Variants in SCAMP1 observed in about 807,000 individuals in gnomAD.
SCAMP1 encodes secretory carrier-associated membrane protein 1.
Under a neutral mutation model 41.8 loss-of-function variants are expected in SCAMP1, and 15 were observed. The observed-to-expected ratio is 0.36, with a 90% CI of 0.24 to 0.55. The LOEUF (loss-of-function observed/expected upper bound fraction) is 0.55, where lower values mean the gene tolerates loss of function less well. Ranked by LOEUF, SCAMP1 falls within the 20% of genes least tolerant of loss-of-function variation. The pLI, the probability that SCAMP1 is intolerant of heterozygous loss-of-function variation, is 0.86. For missense variants in SCAMP1, 341 were observed against 412.6 expected (o/e 0.83, Z 1.50); for synonymous variants, 135 against 136.8 (o/e 0.99, Z 0.09).
intron 7 of SCAMP1, among the ~76,000 whole-genome samples, chr5:78,450,551 G>C (rs943585577): frequency 6.6e-6 from 1 of 152,162 alleles, no homozygotes; most frequent in Non-Finnish European, 1.5e-5. Flanking sequence ...TTCAGTGGGG[G>C]ACCTCAGAAA....
At chr5:78,406,670 A>T (rs1751943215) in intron 2 of SCAMP1, among the ~76,000 whole-genome samples, 1 of 152,184 alleles carries the variant, frequency 6.6e-6, no homozygotes, top group Admixed American at 6.5e-5. Flanking sequence ...ATTTTTCTAT[A>T]ATTTTTATCT....
chr5:78,388,902 G>A lies in SCAMP1; in HGVS notation c.123G>A (p.Ser41=), dbSNP rs3922654. 0.19 allele frequency: 290,942 copies of A among 1,493,622 alleles called. 31,987 individuals are homozygous for A. Among genetic ancestry groups the A allele is most frequent in the Admixed American group, 0.43 (23,880 of 55,452 alleles). The allele number at this position is 1,493,622 out of a possible 1,614,324, so 92.5% of individuals were successfully genotyped here. Residue 41 remains serine, a synonymous_variant, in exon 2 of 9, where the codon TCG becomes TCA. Transcript: ENST00000621999. ...GACTTGATGAATATAATCCATTCTC[G>A]GATTCTAGAACAGTAAGATTATTCT... ...PPGLDEYNPF[S]DSRTPPPGGV...
At chr5:78,450,079 T>A in intron 7 of SCAMP1, 45 bp downstream of exon 7, 3 of 1,100,934 alleles carry the variant, frequency 2.7e-6, no homozygotes, top group South Asian at 1.4e-5. Context: ...TCTAATATTG[T>A]AATATAATTT....
At chr5:78,435,684 A>G (rs530884254) in intron 6 of SCAMP1, among the ~76,000 whole-genome samples, 1 of 152,298 alleles carries the variant, frequency 6.6e-6, no homozygotes, top group Non-Finnish European at 1.5e-5. Context: ...CGGAGTAAAC[A>G]TACGTGTGCT....
chr5:78,362,672 G>A (rs1750686490), intron 1 of SCAMP1, among the ~76,000 whole-genome samples: 1 of 152,130 alleles, frequency 6.6e-6, no homozygotes, highest in Admixed American at 6.5e-5. Context: ...TGTTTTTGGT[G>A]ACTGTTATAG....
At chr5:78,383,286 TG>T (rs1468162808) in intron 1 of SCAMP1, among the ~76,000 whole-genome samples, 11 of 152,288 alleles carry the variant, frequency 7.2e-5, no homozygotes, top group African/African-American at 2.4e-4. Flanking sequence ...TTGATGGGAT[TG>T]TTTTTTTCAT....
intron 1 of SCAMP1, among the ~76,000 whole-genome samples, chr5:78,368,608 G>C (rs1454456886): frequency 6.6e-6 from 1 of 152,044 alleles, no homozygotes; most frequent in Non-Finnish European, 1.5e-5. Context: ...CTAATAGCTG[G>C]GTATTCTTCT....
chr5:78,392,874 A>G (rs1434440389), intron 2 of SCAMP1, among the ~76,000 whole-genome samples: 4 of 152,186 alleles, frequency 2.6e-5, no homozygotes, highest in African/African-American at 7.2e-5. Flanking sequence ...TAAGTGGTAT[A>G]TTAGCATTAG....
intron 6 of SCAMP1, among the ~76,000 whole-genome samples, chr5:78,437,692 C>G (rs564090655): frequency 2.0e-5 from 3 of 152,300 alleles, no homozygotes; most frequent in African/African-American, 4.8e-5. Context: ...GTGTGTATCT[C>G]TGCCAGGCTT....
At chr5:78,394,040 T>C (rs1751583422) in intron 2 of SCAMP1, among the ~76,000 whole-genome samples, 1 of 152,222 alleles carries the variant, frequency 6.6e-6, no homozygotes, top group African/African-American at 2.4e-5. Flanking sequence ...ATTGTCTGCC[T>C]GGTTCTTTTT....
At chr5:78,451,915 A>G (rs888370518) in intron 7 of SCAMP1, among the ~76,000 whole-genome samples, 1 of 152,194 alleles carries the variant, frequency 6.6e-6, no homozygotes, top group Non-Finnish European at 1.5e-5. Flanking sequence ...TCAGCCTTCC[A>G]TAATACTGGG....
chr5:78,409,372 G>A (rs1431264242), intron 2 of SCAMP1, among the ~76,000 whole-genome samples: 1 of 151,382 alleles, frequency 6.6e-6, no homozygotes. Flanking sequence ...GTCTTGAGTG[G>A]CTTGTTTTAT....
At chr5:78,437,177 C>T (rs1434703532) in intron 6 of SCAMP1, among the ~76,000 whole-genome samples, 2 of 152,184 alleles carry the variant, frequency 1.3e-5, no homozygotes, top group Admixed American at 6.5e-5. Context: ...ATTTGACTTC[C>T]TCTTTTCCTA....
intron 7 of SCAMP1, among the ~76,000 whole-genome samples, chr5:78,458,722 A>T (rs1024915131): frequency 2.6e-5 from 4 of 152,178 alleles, no homozygotes; most frequent in African/African-American, 7.2e-5. Flanking sequence ...TCTACTAAAG[A>T]TACAAAAAGT....
At chr5:78,368,609 G>C (rs1156947846) in intron 1 of SCAMP1, among the ~76,000 whole-genome samples, 1 of 152,116 alleles carries the variant, frequency 6.6e-6, no homozygotes, top group African/African-American at 2.4e-5. Context: ...TAATAGCTGG[G>C]TATTCTTCTC....
chr5:78,364,528 T>C (rs1561246895), intron 1 of SCAMP1, among the ~76,000 whole-genome samples: 1 of 152,152 alleles, frequency 6.6e-6, no homozygotes, highest in Non-Finnish European at 1.5e-5. Context: ...CTTGTGCCCA[T>C]GTGTAGGTAG....
At chr5:78,365,530 A>G (rs991157643) in intron 1 of SCAMP1, among the ~76,000 whole-genome samples, 1 of 150,076 alleles carries the variant, frequency 6.7e-6, no homozygotes, top group Non-Finnish European at 1.5e-5. Flanking sequence ...ATGCTTAGCT[A>G]TGAATTTAGT....
At chr5:78,457,260 T>C (rs1753436035) in intron 7 of SCAMP1, among the ~76,000 whole-genome samples, 1 of 152,244 alleles carries the variant, frequency 6.6e-6, no homozygotes, top group African/African-American at 2.4e-5. Context: ...GGAGAGGCGC[T>C]CTGCGTTTTA....
At chr5:78,445,771 T>A (rs1375242056) in intron 6 of SCAMP1, among the ~76,000 whole-genome samples, 1 of 152,168 alleles carries the variant, frequency 6.6e-6, no homozygotes, top group Non-Finnish European at 1.5e-5. Flanking sequence ...GATATTCACG[T>A]GATGATTGTA....
Sources: allele counts gnomAD v4.1 joint callset (sites outside exome capture counted in the v4.1 genomes callset), GRCh38; gene constraint gnomAD v4.1.1; transcripts MANE v1.5; gene names NCBI Gene and HGNC (gene_info 2026-07-23, HGNC 2026-07-21).